The following OSBPL8 variants were observed in gnomAD, a reference collection of about 807,000 sequenced individuals.
The protein encoded by OSBPL8 is oxysterol binding protein like 8, also known as oxysterol-binding protein-related protein 8.
In OSBPL8, 59 loss-of-function variants were observed where a neutral mutation model predicts 125.5. That is an observed-to-expected ratio of 0.47 (90% CI 0.38 to 0.58). OSBPL8 has a LOEUF of 0.58. Ranked by LOEUF, OSBPL8 falls within the 20% of genes least tolerant of loss-of-function variation. The pLI is 0.00. For synonymous variants in OSBPL8, 330 were observed against 338.9 expected, an observed-to-expected ratio of 0.97 and a Z score of 0.29; for missense variants, 758 against 1,047.8, an observed-to-expected ratio of 0.72 and a Z score of 3.82.
intron 1 of OSBPL8, among the ~76,000 whole-genome samples, chr12:76,531,264 T>C (rs114597621): frequency 6.6e-6 from 1 of 152,296 alleles, no homozygotes; most frequent in African/African-American, 2.4e-5. Context: ...CTTAGCATCA[T>C]AAAACAAGCA....
chr12:76,532,992 G>A (rs555802788), intron 1 of OSBPL8, among the ~76,000 whole-genome samples: 2 of 151,986 alleles, frequency 1.3e-5, no homozygotes, highest in Non-Finnish European at 2.9e-5. Context: ...TACTTGAACC[G>A]AAAAACCCTA....
intron 6 of OSBPL8, among the ~76,000 whole-genome samples, chr12:76,401,517 A>G (rs79340561): frequency 0.079 from 12,076 of 152,222 alleles, 645 homozygotes; most frequent in Admixed American, 0.12. Context: ...TCCTTATTTT[A>G]CAGACACGAA....
intron 18 of OSBPL8, among the ~76,000 whole-genome samples, chr12:76,372,210 TTATC>T (rs1345737211): frequency 2.6e-5 from 4 of 152,048 alleles, no homozygotes; most frequent in African/African-American, 7.3e-5. Flanking sequence ...CATCTCTATC[TTATC>T]TATCTGTCTG....
chr12:76,358,062 C>T (rs1952050058), intron 22 of OSBPL8, among the ~76,000 whole-genome samples: 1 of 151,710 alleles, frequency 6.6e-6, no homozygotes, highest in African/African-American at 2.4e-5. Flanking sequence ...ATTTTTGAAG[C>T]ATGGAACTGA....
chr12:76,436,944 A>C (rs577430889), intron 4 of OSBPL8, among the ~76,000 whole-genome samples: 1 of 152,158 alleles, frequency 6.6e-6, no homozygotes, highest in Non-Finnish European at 1.5e-5. Context: ...TAAACTTTAC[A>C]TAAATGTCTT....
intron 18 of OSBPL8, among the ~76,000 whole-genome samples, chr12:76,372,297 C>T (rs1952650242): frequency 6.6e-6 from 1 of 152,060 alleles, no homozygotes; most frequent in African/African-American, 2.4e-5. Flanking sequence ...CTTCCACCTC[C>T]CAGGCTCAAG....
chr12:76,469,108 T>C (rs999994532), intron 2 of OSBPL8, among the ~76,000 whole-genome samples: 35 of 152,282 alleles, frequency 2.3e-4, no homozygotes, highest in South Asian at 2.1e-4. Flanking sequence ...TCCAACCTAT[T>C]TTCTCTTTCT....
chr12:76,378,057 A>T (rs1952897002), intron 16 of OSBPL8, among the ~76,000 whole-genome samples: 1 of 152,206 alleles, frequency 6.6e-6, no homozygotes, highest in Non-Finnish European at 1.5e-5. Context: ...AAAAATCTTT[A>T]AAAAACTTGG....
At chr12:76,460,889 T>C (rs1022802013) in intron 2 of OSBPL8, among the ~76,000 whole-genome samples, 6 of 152,238 alleles carry the variant, frequency 3.9e-5, no homozygotes, top group Non-Finnish European at 7.3e-5. Flanking sequence ...AGGATCTTAA[T>C]TGGCTGTGAC....
At chr12:76,411,584 TA>T (rs997299397) in intron 4 of OSBPL8, among the ~76,000 whole-genome samples, 1 of 151,450 alleles carries the variant, frequency 6.6e-6, no homozygotes. Context: ...ATGTAACAGC[TA>T]AAAAAAACTG....
At position 76,355,865 on chromosome 12, in the gene OSBPL8, C is replaced by A; in HGVS notation, c.*24G>T. On this transcript the variant is annotated 3_prime_UTR_variant, in exon 24 of 24. Transcript: ENST00000261183. ...CAGGCCAAATCAGATCTTTCTAGTT[C>A]ACTGATTCAATGGTAGAGAACTTCT... 6.2e-7 allele frequency: 1 copy of A among 1,608,300 alleles called. No homozygotes were observed. Among genetic ancestry groups the A allele is most frequent in the South Asian group, 1.1e-5 (1 of 90,122 alleles).
chr12:76,533,518 C>A (rs373673095), intron 1 of OSBPL8, among the ~76,000 whole-genome samples: 2 of 152,130 alleles, frequency 1.3e-5, no homozygotes, highest in East Asian at 1.9e-4. Context: ...TCTGACTGAT[C>A]TTGCAATCCA....
intron 2 of OSBPL8, among the ~76,000 whole-genome samples, chr12:76,461,113 C>G (rs79725070): frequency 1.3e-5 from 2 of 152,266 alleles, no homozygotes; most frequent in East Asian, 3.9e-4. Flanking sequence ...GTTATATTCT[C>G]CTGGGCTGAA....
intron 5 of OSBPL8, among the ~76,000 whole-genome samples, chr12:76,409,359 A>G (rs73383556): frequency 0.039 from 6,000 of 152,274 alleles, 355 homozygotes; most frequent in African/African-American, 0.13. Context: ...TCAGTGTATT[A>G]GCATCTTATA....
chr12:76,441,071 A>C (rs1288391767), intron 4 of OSBPL8, among the ~76,000 whole-genome samples: 2 of 152,134 alleles, frequency 1.3e-5, no homozygotes, highest in Non-Finnish European at 2.9e-5. Flanking sequence ...TTTCCTTATA[A>C]TGTTTCCCTA....
chr12:76,374,217 ATTGTTC>A (rs1239255367), intron 17 of OSBPL8, among the ~76,000 whole-genome samples: 14 of 152,158 alleles, frequency 9.2e-5, no homozygotes, highest in Non-Finnish European at 1.5e-4. Context: ...TGAATATACT[ATTGTTC>A]AAGAACAATT....
chr12:76,508,424 C>T (rs1880643501), intron 1 of OSBPL8, among the ~76,000 whole-genome samples: 1 of 152,068 alleles, frequency 6.6e-6, no homozygotes, highest in Admixed American at 6.5e-5. Flanking sequence ...TTTCCCATTG[C>T]CTAGTGACAT....
At chr12:76,455,939 C>CT (rs1280540708) in intron 3 of OSBPL8, among the ~76,000 whole-genome samples, 2 of 152,238 alleles carry the variant, frequency 1.3e-5, no homozygotes, top group African/African-American at 4.8e-5. Context: ...ACAGTGCCCT[C>CT]TGCTGTTTCT....
intron 1 of OSBPL8, among the ~76,000 whole-genome samples, chr12:76,524,485 T>A (rs990386673): frequency 1.3e-5 from 2 of 152,112 alleles, no homozygotes; most frequent in Non-Finnish European, 1.5e-5. Flanking sequence ...CCATACACCA[T>A]CACTGATCTT....
Sources: allele counts gnomAD v4.1 joint callset (sites outside exome capture counted in the v4.1 genomes callset), GRCh38; gene constraint gnomAD v4.1.1; transcripts MANE v1.5; gene names NCBI Gene and HGNC (gene_info 2026-07-23, HGNC 2026-07-21).